Variants in PIEZO2 observed in about 807,000 individuals in gnomAD.
The protein encoded by PIEZO2 is piezo-type mechanosensitive ion channel component 2.
Under a neutral mutation model 337.3 loss-of-function variants are expected in PIEZO2, and 172 were observed. That is an observed-to-expected ratio of 0.51 (90% CI 0.45 to 0.58). The LOEUF (loss-of-function observed/expected upper bound fraction) is 0.58. PIEZO2 is among the 20% of genes least tolerant of loss of function. The pLI is 0.00. For synonymous variants in PIEZO2, 1,251 were observed against 1,228.5 expected, an observed-to-expected ratio of 1.02 and a Z score of -0.38; for missense variants, 3,028 against 3,391.3, an observed-to-expected ratio of 0.89 and a Z score of 2.66.
intron 51 of PIEZO2, 84 bp from the exon 52 acceptor site, chr18:10,680,455 G>A (rs2034215307): frequency 8.0e-7 from 1 of 1,254,656 alleles, no homozygotes; most frequent in Non-Finnish European, 1.1e-6. Flanking sequence ...CTTTTAACTG[G>A]CAGTATGGAA....
In PIEZO2 at chr18:11,146,549, C is replaced by G. The variant is rs2040816793; in HGVS notation, c.64+1976G>C. On this transcript the variant is annotated intron_variant, in intron 1 of 55. Coordinates refer to ENST00000674853, the MANE Select transcript of PIEZO2 (RefSeq NM_001378183.1). This position sits in a 1 kb window ranked among gnomAD's most constrained non-coding sequence, Gnocchi z 6.1. ...CTCCCCTTGGGAGGGCAGAGTACTACAGCCCTACTGAAGGAGTTTTTAGCA... is the reference window on the plus strand; with the variant it reads ...CTCCCCTTGGGAGGGCAGAGTACTAGAGCCCTACTGAAGGAGTTTTTAGCA... Among the ~76,000 whole-genome samples the G allele has an allele frequency of 1.3e-5, 2 of 152,234 alleles. No individual in the cohort carries two copies. The highest frequency in any genetic ancestry group is 4.8e-5 in the African/African-American group (2 of 41,462).
intron 21 of PIEZO2, chr18:10,769,683 G>C (rs2038515955): frequency 6.5e-6 from 1 of 153,086 alleles, no homozygotes; most frequent in Admixed American, 6.5e-5. Context: ...GGAAACAGAA[G>C]TGCAGTACAG....
chr18:10,782,412 A>C (rs568528828), intron 17 of PIEZO2, among the ~76,000 whole-genome samples: 5,247 of 59,722 alleles, frequency 0.088, 203 homozygotes, highest in Non-Finnish European at 0.12. Flanking sequence ...TATATAATAT[A>C]TTATAATTAT....
intron 3 of PIEZO2, among the ~76,000 whole-genome samples, chr18:10,964,699 T>A (rs1301078732): frequency 6.6e-6 from 1 of 152,168 alleles, no homozygotes; most frequent in African/African-American, 2.4e-5. Flanking sequence ...CCCTACTAGT[T>A]CCAGAACACC....
intron 41 of PIEZO2, 66 bp from the exon 42 acceptor site, chr18:10,704,718 C>T (rs1253654026): frequency 2.0e-5 from 30 of 1,491,250 alleles, no homozygotes; most frequent in East Asian, 2.5e-5. Context: ...GAGTTTTGCT[C>T]TTGTTGCCCA....
chr18:10,703,092 G>A (rs946071008), intron 42 of PIEZO2, among the ~76,000 whole-genome samples: 2 of 152,158 alleles, frequency 1.3e-5, no homozygotes, highest in African/African-American at 2.4e-5. Flanking sequence ...GACCTCAAGT[G>A]ATCCTCCTGC....
chr18:10,836,946 AT>A lies in PIEZO2; in HGVS notation c.917+18406del, dbSNP rs1257541145. The stretch of plus-strand genomic sequence containing the variant: ...TTGCCAAGAAAAATGTATTTATTTC[AT>A]CTTGGTAATATGATCAAAGGAAGGG... On this transcript the variant is annotated intron_variant, in intron 7 of 55. Transcript: ENST00000674853. Among the ~76,000 whole-genome samples the A allele has an allele frequency of 3.3e-5, 5 of 152,260 alleles. No individual in the cohort carries two copies. In the East Asian group the frequency reaches 9.7e-4, roughly 29 times the overall value.
At chr18:10,957,402 C>CCAA (rs2145354863) in intron 3 of PIEZO2, among the ~76,000 whole-genome samples, 1 of 113,074 alleles carries the variant, frequency 8.8e-6, no homozygotes, top group African/African-American at 3.5e-5. Flanking sequence ...TCAAAACAAA[C>CCAA]CAACAAAAAA....
chr18:10,723,613 G>A (rs914079932), intron 36 of PIEZO2, among the ~76,000 whole-genome samples: 1 of 152,186 alleles, frequency 6.6e-6, no homozygotes, highest in African/African-American at 2.4e-5. Flanking sequence ...ATGTAGGAGA[G>A]AGGAGAAATG....
chr18:11,072,956 C>T (rs961079803), intron 1 of PIEZO2, among the ~76,000 whole-genome samples: 2 of 152,228 alleles, frequency 1.3e-5, no homozygotes, highest in Non-Finnish European at 2.9e-5. Context: ...TAGCACAGGG[C>T]CCTCTGTGAA....
At chr18:11,066,748 C>A (rs1021831146) in intron 1 of PIEZO2, among the ~76,000 whole-genome samples, 1 of 152,082 alleles carries the variant, frequency 6.6e-6, no homozygotes, top group African/African-American at 2.4e-5. Flanking sequence ...TACAGGTGCA[C>A]CCCACCACGC....
chr18:10,906,189 T>A (rs2029906122), intron 4 of PIEZO2, among the ~76,000 whole-genome samples: 1 of 152,206 alleles, frequency 6.6e-6, no homozygotes, highest in Non-Finnish European at 1.5e-5. Context: ...TCAGGGTGAT[T>A]TCTATTTTAA....
chr18:10,842,372 G>A (rs992592336), intron 7 of PIEZO2, among the ~76,000 whole-genome samples: 2 of 152,128 alleles, frequency 1.3e-5, no homozygotes, highest in Non-Finnish European at 1.5e-5. Context: ...TTTGGGTCAC[G>A]GGAGCAGATC....
chr18:10,859,539 C>T lies in PIEZO2; in HGVS notation c.493-2328G>A, dbSNP rs1331442599. Among the ~76,000 whole-genome samples, 1 of 152,230 alleles carries T rather than the reference C, an allele frequency of 6.6e-6. No homozygotes were observed. Among genetic ancestry groups the T allele is most frequent in the Non-Finnish European group, 1.5e-5 (1 of 68,038 alleles). Reference sequence around the variant, plus strand: ...CAGCCCAGCCATCCTGGCTCTCTCTCCTGCATCACAATGTGCTTTCTTTCT... The same window carrying T: ...CAGCCCAGCCATCCTGGCTCTCTCTTCTGCATCACAATGTGCTTTCTTTCT... On this transcript the variant is annotated intron_variant, in intron 5 of 55. Transcript: ENST00000674853. The surrounding 1 kb of genome is among the most constrained non-coding windows in gnomAD (Gnocchi z 4.9).
At chr18:10,910,123 T>C (rs1267907688) in intron 4 of PIEZO2, among the ~76,000 whole-genome samples, 6 of 152,186 alleles carry the variant, frequency 3.9e-5, no homozygotes, top group Non-Finnish European at 1.5e-5. Flanking sequence ...TTCAATATGG[T>C]AAAAAGAACT....
intron 1 of PIEZO2, among the ~76,000 whole-genome samples, chr18:11,103,794 T>TGTGTGTGTGTGTGTGC (rs1434100772): frequency 1.3e-5 from 2 of 149,280 alleles, no homozygotes; most frequent in East Asian, 3.9e-4. Context: ...GTCGTGTGTG[T>TGTGTGTGTGTGTGTGC]GTGTGTGTGT....
Position 10,682,346 on chromosome 18 carries a change from A to T in PIEZO2, c.7498-54T>A. On this transcript the variant is annotated intron_variant, in intron 49 of 55. Transcript: ENST00000674853. This position sits in a 1 kb window ranked among gnomAD's most constrained non-coding sequence, Gnocchi z 5.6. ...GGCTCAGGCTCAGGTGCTTTCCCGC[A>T]GGCAGCGGGATTGGGGGAGAGCGAG... 2 of 1,449,856 alleles carry T rather than the reference A, an allele frequency of 1.4e-6. No individual in the cohort carries two copies. The highest frequency in any genetic ancestry group is 1.8e-6 in the Non-Finnish European group (2 of 1,083,920). 89.8% of individuals were successfully genotyped at this position (1,449,856 alleles called of 1,614,324 possible).
Position 11,143,639 on chromosome 18 carries a change from ACTCTCT to A in PIEZO2, c.64+4880_64+4885del, listed in dbSNP as rs1243372461. On this transcript the variant is annotated intron_variant, in intron 1 of 55. Transcript: ENST00000674853. This position sits in a 1 kb window ranked among gnomAD's most constrained non-coding sequence, Gnocchi z 4.9. The stretch of plus-strand genomic sequence containing the variant: ...CACACACACACACACACACACACAC[ACTCTCT>A]CTCTCTCTCTCTCTCTCTCTCTCTC... Among the ~76,000 whole-genome samples, 11 of 92,840 alleles carry A rather than the reference ACTCTCT, an allele frequency of 1.2e-4. No individual in the cohort carries two copies. Among genetic ancestry groups the A allele is most frequent in the Admixed American group, 4.8e-4 (4 of 8,370 alleles). The allele number at this position is 92,840 out of a possible 152,430, so 60.9% of individuals were successfully genotyped here.
intron 1 of PIEZO2, among the ~76,000 whole-genome samples, chr18:11,119,637 G>A (rs2039980785): frequency 6.6e-6 from 1 of 152,086 alleles, no homozygotes; most frequent in Admixed American, 6.5e-5. Context: ...GTAGGGACGA[G>A]GCAACAAAAC....
Sources: allele counts gnomAD v4.1 joint callset (sites outside exome capture counted in the v4.1 genomes callset), GRCh38; gene constraint gnomAD v4.1.1; non-coding constraint Gnocchi (gnomAD v3.1); transcripts MANE v1.5; gene names NCBI Gene and HGNC (gene_info 2026-07-23, HGNC 2026-07-21).